NRXN3: variants seen among roughly 807,000 people sequenced by gnomAD.
NRXN3 encodes the protein neurexin 3.
Under a neutral mutation model 137.6 loss-of-function variants are expected in NRXN3, and 32 were observed. The ratio of observed to expected loss-of-function variants is 0.23; its 90% CI spans 0.18 to 0.31. The LOEUF (loss-of-function observed/expected upper bound fraction) is 0.31, where lower values mean the gene tolerates loss of function less well. NRXN3 is among the 10% of genes least tolerant of loss of function. The pLI is 1.00. For missense variants in NRXN3, 1,574 were observed against 2,062.5 expected (o/e 0.76, Z 4.59); for synonymous variants, 798 against 784.5 (o/e 1.02, Z -0.29).
chr14:78,934,368 A>T (rs1597576302), intron 10 of NRXN3, among the ~76,000 whole-genome samples: 1 of 152,190 alleles, frequency 6.6e-6, no homozygotes, highest in East Asian at 1.9e-4. Context: ...CAGCTCAGTC[A>T]GATGCCCAAG....
intron 4 of NRXN3, among the ~76,000 whole-genome samples, chr14:78,419,018 ACT>A (rs963188785): frequency 6.6e-6 from 1 of 152,144 alleles, no homozygotes; most frequent in Non-Finnish European, 1.5e-5. Context: ...TTGAGTGCTA[ACT>A]CTGTGCTGGG....
At chr14:78,785,773 C>T (rs1013818439) in intron 8 of NRXN3, among the ~76,000 whole-genome samples, 11 of 152,172 alleles carry the variant, frequency 7.2e-5, no homozygotes, top group African/African-American at 2.2e-4. Flanking sequence ...ACCTACCCCA[C>T]AATCCTATTT....
At chr14:79,389,944 A>T (rs1235513689) in intron 15 of NRXN3, among the ~76,000 whole-genome samples, 2 of 152,224 alleles carry the variant, frequency 1.3e-5, no homozygotes, top group Admixed American at 1.3e-4. Context: ...GCTAACTGGA[A>T]AAAGATCAGG....
chr14:79,658,801 A>C (rs1316783127), intron 16 of NRXN3, among the ~76,000 whole-genome samples: 1 of 152,218 alleles, frequency 6.6e-6, no homozygotes, highest in Admixed American at 6.5e-5. Context: ...GAAGCCTAGC[A>C]GTTAAGACAC....
At chr14:79,466,078 TA>T (rs2096418381) in intron 15 of NRXN3, among the ~76,000 whole-genome samples, 1 of 152,204 alleles carries the variant, frequency 6.6e-6, no homozygotes, top group Non-Finnish European at 1.5e-5. Context: ...TTCATATGGA[TA>T]ATAGTAAAAA....
chr14:79,709,749 C>T (rs977819721), intron 19 of NRXN3, among the ~76,000 whole-genome samples: 2 of 152,132 alleles, frequency 1.3e-5, no homozygotes, highest in Non-Finnish European at 2.9e-5. Context: ...GCCTTTATCT[C>T]GGGGCTGCTG....
intron 16 of NRXN3, among the ~76,000 whole-genome samples, chr14:79,507,920 C>A (rs61995178): frequency 1.3e-5 from 2 of 152,112 alleles, no homozygotes; most frequent in African/African-American, 2.4e-5. Context: ...GATGCCTGGG[C>A]CCAGGCACAT....
chr14:79,799,145 AT>A (rs991749577), intron 19 of NRXN3, among the ~76,000 whole-genome samples: 1 of 152,210 alleles, frequency 6.6e-6, no homozygotes, highest in African/African-American at 2.4e-5. Flanking sequence ...CCAGACAGAT[AT>A]TTTATTGAAA....
chr14:78,463,010 C>A (rs1436818726), intron 4 of NRXN3, among the ~76,000 whole-genome samples: 1 of 152,116 alleles, frequency 6.6e-6, no homozygotes, highest in South Asian at 2.1e-4. Flanking sequence ...CATTCTCCCA[C>A]CTTTTGGAGT....
chr14:78,710,033 T>C, intron 7 of NRXN3: 1 of 218,964 alleles, frequency 4.6e-6, no homozygotes, highest in Non-Finnish European at 9.1e-6. Flanking sequence ...GATTGTGACA[T>C]CACAGATGCT....
chr14:79,613,811 T>C (rs1328715992), intron 16 of NRXN3, among the ~76,000 whole-genome samples: 1 of 152,218 alleles, frequency 6.6e-6, no homozygotes, highest in Non-Finnish European at 1.5e-5. Flanking sequence ...TAAGTCAACC[T>C]TTCATTTTAG....
At chr14:78,568,737 G>A (rs2096859723) in intron 4 of NRXN3, among the ~76,000 whole-genome samples, 1 of 152,114 alleles carries the variant, frequency 6.6e-6, no homozygotes, top group African/African-American at 2.4e-5. Context: ...ATATCTAAGA[G>A]CTAAATATTT....
chr14:78,353,619 A>G (rs1352285993), intron 4 of NRXN3, among the ~76,000 whole-genome samples: 1 of 152,168 alleles, frequency 6.6e-6, no homozygotes, highest in African/African-American at 2.4e-5. Flanking sequence ...AGAAAAAACT[A>G]TTTTGAAGAA....
At chr14:78,240,303 C>A (rs1239669141) in intron 1 of NRXN3, among the ~76,000 whole-genome samples, 1 of 152,178 alleles carries the variant, frequency 6.6e-6, no homozygotes, top group African/African-American at 2.4e-5. Context: ...ATGGCAGATG[C>A]ACTTGAATGT....
chr14:78,369,801 G>T (rs1483578655), intron 4 of NRXN3, among the ~76,000 whole-genome samples: 1 of 152,000 alleles, frequency 6.6e-6, no homozygotes, highest in South Asian at 2.1e-4. Context: ...GATGTAATGA[G>T]ACTGGGTCAA....
chr14:78,339,847 G>A (rs989678746), intron 4 of NRXN3, among the ~76,000 whole-genome samples: 4 of 152,140 alleles, frequency 2.6e-5, no homozygotes, highest in Non-Finnish European at 4.4e-5. Context: ...CTGAGAAGAA[G>A]AAGTACGTCT....
intron 4 of NRXN3, among the ~76,000 whole-genome samples, chr14:78,303,934 A>C (rs1246599865): frequency 6.6e-6 from 1 of 152,148 alleles, no homozygotes; most frequent in Admixed American, 6.5e-5. Context: ...CATTCTACAC[A>C]AGCTCAGTAC....
chr14:79,402,546 G>T lies in NRXN3; in HGVS notation c.3263-64675G>T, dbSNP rs185118811. Among the ~76,000 whole-genome samples, 223 of 152,232 alleles carry T rather than the reference G, an allele frequency of 1.5e-3. 3 individuals carry two copies. The highest frequency in any genetic ancestry group is 7.7e-3 in the South Asian group (37 of 4,820). On this transcript the variant is annotated intron_variant, in intron 15 of 20. Transcript: ENST00000335750. ...ATAAGTAAAATTAATGATATTGTAG[G>T]TCTTAAATGTAAATGCAATTTTACA...
intron 4 of NRXN3, among the ~76,000 whole-genome samples, chr14:78,490,020 T>C (rs765126877): frequency 1.3e-5 from 2 of 151,992 alleles, no homozygotes; most frequent in African/African-American, 2.4e-5. Flanking sequence ...GTTCAAGCGA[T>C]TCTCCTGCCT....
Sources: gnomAD v4.1 joint callset for allele counts (sites outside exome capture counted in the v4.1 genomes callset) on GRCh38, gnomAD v4.1.1 for gene constraint, MANE v1.5 for transcripts, NCBI Gene and HGNC (gene_info 2026-07-23, HGNC 2026-07-21) for gene names.